RYR3: variants seen among roughly 807,000 people sequenced by gnomAD.
The protein encoded by RYR3 is brain ryanodine receptor-calcium release channel.
Under a neutral mutation model 584.3 loss-of-function variants are expected in RYR3, and 207 were observed. The observed-to-expected ratio is 0.35, with a 90% CI of 0.32 to 0.40. The LOEUF (loss-of-function observed/expected upper bound fraction) is 0.40. Ranked by LOEUF, RYR3 falls within the 10% of genes least tolerant of loss-of-function variation. The pLI, the probability that RYR3 is intolerant of heterozygous loss-of-function variation, is 1.00. For synonymous variants in RYR3, 2,416 were observed against 2,248.5 expected (o/e 1.07, Z -2.11); for missense variants, 5,616 against 6,089.2 (o/e 0.92, Z 2.59).
Position 33,800,799 on chromosome 15 carries a change from A to T in RYR3, c.9860A>T (p.Asp3287Val). The T allele has an allele frequency of 6.2e-7, 1 of 1,613,882 alleles. No individual in the cohort carries two copies. Among genetic ancestry groups the T allele is most frequent in the Non-Finnish European group, 8.5e-7 (1 of 1,179,764 alleles). ...RSNWLKSPDADSDQLFRMVAE... is the reference protein window; with the variant it reads ...RSNWLKSPDAVSDQLFRMVAE... ...AACTGGCTGAAAAGTCCTGATGCTG[A>T]TTCTGACCAGCTCTTCCGCATGGTG... The change falls in exon 68 of 104, where the codon GAT becomes GTT. Residue 3287 changes from aspartate (D) to valine (V), a missense_variant. Asp to Val is a radical substitution (Grantham distance 152, BLOSUM62 -3). Coordinates refer to ENST00000634891, the MANE Select transcript of RYR3 (RefSeq NM_001036.6).
At chr15:33,572,911 T>C (rs1210311992) in intron 12 of RYR3, among the ~76,000 whole-genome samples, 1 of 152,048 alleles carries the variant, frequency 6.6e-6, no homozygotes, top group Non-Finnish European at 1.5e-5. Context: ...GAGGTGGAGG[T>C]TGCAGTGAGC....
At chr15:33,474,700 C>G (rs571018832) in intron 2 of RYR3, among the ~76,000 whole-genome samples, 1 of 152,212 alleles carries the variant, frequency 6.6e-6, no homozygotes, top group Non-Finnish European at 1.5e-5. Flanking sequence ...TTTAAAAAAA[C>G]CGAAAACAAA....
At chr15:33,588,689 T>C (rs1198596763) in intron 16 of RYR3, among the ~76,000 whole-genome samples, 1 of 152,206 alleles carries the variant, frequency 6.6e-6, no homozygotes, top group African/African-American at 2.4e-5. Flanking sequence ...CACTTATAAG[T>C]GAGAATATGC....
chr15:33,516,681 C>T (rs1195381775), intron 3 of RYR3, among the ~76,000 whole-genome samples: 1 of 152,046 alleles, frequency 6.6e-6, no homozygotes, highest in East Asian at 1.9e-4. Context: ...GGAAAAGAGT[C>T]TCTGGCCAAA....
chr15:33,450,445 C>T (rs1054900195), intron 1 of RYR3, among the ~76,000 whole-genome samples: 4 of 152,006 alleles, frequency 2.6e-5, no homozygotes, highest in Non-Finnish European at 5.9e-5. Context: ...TGCCGCCCGC[C>T]CTCATCTCAA....
chr15:33,608,315 A>G (rs2060006252), intron 18 of RYR3, among the ~76,000 whole-genome samples: 1 of 152,174 alleles, frequency 6.6e-6, no homozygotes, highest in Non-Finnish European at 1.5e-5. Flanking sequence ...ACTGCAGCTC[A>G]GTCAAAAGGA....
At chr15:33,356,892 G>A (rs1453529899) in intron 1 of RYR3, among the ~76,000 whole-genome samples, 1 of 152,084 alleles carries the variant, frequency 6.6e-6, no homozygotes, top group Non-Finnish European at 1.5e-5. Context: ...ATAGGCCTTC[G>A]GGGGCCATAG....
At chr15:33,668,151 C>CAAA (rs543583183) in intron 36 of RYR3, among the ~76,000 whole-genome samples, 1 of 131,740 alleles carries the variant, frequency 7.6e-6, no homozygotes, top group Non-Finnish European at 1.6e-5. Context: ...ACTGAAAATA[C>CAAA]AAAAAAAAAA....
intron 1 of RYR3, among the ~76,000 whole-genome samples, chr15:33,464,463 G>GAT (rs569756898): frequency 0.08 from 6,323 of 79,006 alleles, 442 homozygotes; most frequent in East Asian, 0.2. Context: ...GGGAGGTGGA[G>GAT]ATATATATAT....
At chr15:33,410,173 G>T (rs1005057296) in intron 1 of RYR3, among the ~76,000 whole-genome samples, 1 of 152,150 alleles carries the variant, frequency 6.6e-6, no homozygotes, top group African/African-American at 2.4e-5. Flanking sequence ...TAATGCCACC[G>T]CCTGGGGAAT....
At chr15:33,806,670 G>A (rs2076228373) in intron 69 of RYR3, among the ~76,000 whole-genome samples, 1 of 152,100 alleles carries the variant, frequency 6.6e-6, no homozygotes, top group Admixed American at 6.5e-5. Flanking sequence ...CACAAGAAGG[G>A]AAACGCTCCA....
intron 67 of RYR3, among the ~76,000 whole-genome samples, chr15:33,793,860 A>G (rs1488020616): frequency 6.7e-6 from 1 of 149,300 alleles, no homozygotes; most frequent in Non-Finnish European, 1.5e-5. Context: ...CCTAATTAAG[A>G]TTACTTATAT....
At chr15:33,840,379 T>A (rs969129799) in intron 89 of RYR3, among the ~76,000 whole-genome samples, 1 of 152,186 alleles carries the variant, frequency 6.6e-6, no homozygotes, top group Non-Finnish European at 1.5e-5. Context: ...GTTGAGGAGC[T>A]TGAATTTTAC....
intron 51 of RYR3, 61 bp downstream of exon 51, chr15:33,740,056 C>T (rs1049967313): frequency 9.6e-6 from 14 of 1,461,168 alleles, no homozygotes; most frequent in Non-Finnish European, 1.2e-5. Context: ...ATGTTTTCTT[C>T]CAGAGGGTAG....
At position 33,848,416 on chromosome 15, in the gene RYR3, C is replaced by G; in HGVS notation, c.13623C>G (p.Asn4541Lys). Residue 4541 changes from asparagine to lysine, a missense_variant, in exon 94 of 104, where the codon AAC becomes AAG. By Grantham distance (94) the Asn-to-Lys change is moderately conservative. Around this residue, in one of 9 missense-constraint regions of RYR3, gnomAD observed 918 missense variants for 887.4 expected, o/e 1.03. Coordinates refer to ENST00000634891, the MANE Select transcript of RYR3 (RefSeq NM_001036.6). ...GGCAGTGGGACCGCTTGGTGATCAA[C>G]ACACCGTGAGTGTCCCTCTACCCCA... Reference protein sequence around the residue: ...IKGQWDRLVINTPSFPNNYWD... With the variant: ...IKGQWDRLVIKTPSFPNNYWD... 1 of 1,612,526 alleles carries G rather than the reference C, an allele frequency of 6.2e-7. No homozygotes were observed. Among genetic ancestry groups the G allele is most frequent in the Non-Finnish European group, 8.5e-7 (1 of 1,179,672 alleles).
At chr15:33,477,368 C>T (rs1252947895) in intron 2 of RYR3, among the ~76,000 whole-genome samples, 1 of 152,012 alleles carries the variant, frequency 6.6e-6, no homozygotes, top group Non-Finnish European at 1.5e-5. Flanking sequence ...GAATAAAGGG[C>T]ATGAGTATAA....
rs2045807526 is a variant in RYR3 at position 33,437,174 on chromosome 15, C to CA, written c.52-36239dup. 2.7e-5 allele frequency among the ~76,000 whole-genome samples: 4 copies of CA among 149,376 alleles called. No individual in the cohort carries two copies. In the South Asian group the frequency reaches 6.4e-4, roughly 24 times the overall value. ...TGTGTGTGAAAATTCAATATGATTG[C>CA]AAAAAATAGAAAAAAAATAGTGGCC... On this transcript the variant is annotated intron_variant, in intron 1 of 103. Transcript: ENST00000634891.
At chr15:33,678,759 C>G (rs961008156) in intron 38 of RYR3, among the ~76,000 whole-genome samples, 5 of 152,220 alleles carry the variant, frequency 3.3e-5, no homozygotes, top group African/African-American at 1.2e-4. Flanking sequence ...AGGGGTCTGA[C>G]AGCCAGTGCC....
intron 36 of RYR3, among the ~76,000 whole-genome samples, chr15:33,668,110 A>G (rs1421700274): frequency 1.3e-5 from 2 of 149,136 alleles, no homozygotes; most frequent in East Asian, 3.9e-4. Flanking sequence ...AGAATGATAG[A>G]TTGGCATGAA....
Sources: gnomAD v4.1 joint callset for allele counts (sites outside exome capture counted in the v4.1 genomes callset) on GRCh38, gnomAD v4.1.1 for gene constraint, gnomAD v4.1.1 regional missense constraint, MANE v1.5 for transcripts, NCBI Gene and HGNC (gene_info 2026-07-23, HGNC 2026-07-21) for gene names.